OR14I1: variants seen among roughly 807,000 people sequenced by gnomAD.
OR14I1 encodes olfactory receptor family 14 subfamily I member 1.
For synonymous variants in OR14I1, 118 were observed against 71.1 expected (o/e 1.66, Z -3.32); for missense variants, 279 against 181.8 (o/e 1.53, Z -3.07).
chr1:248,694,371 CTA>C, the OR14I1 span, among the ~76,000 whole-genome samples: 2 of 152,008 alleles, frequency 1.3e-5, no homozygotes, highest in African/African-American at 2.4e-5. Context: ...TAATATATGC[CTA>C]TGACGTATAT....
downstream of OR14I1, among the ~76,000 whole-genome samples, chr1:248,680,621 AC>A: frequency 6.6e-6 from 1 of 152,350 alleles, no homozygotes; most frequent in South Asian, 2.1e-4. Context: ...ACCAGCAGTG[AC>A]CAAGAACTCA....
At chr1:248,692,057 C>CGGGCCCGGCCGCCT in the OR14I1 span, 3 of 152,378 alleles carry the variant, frequency 2.0e-5, no homozygotes, top group Non-Finnish European at 4.4e-5. Flanking sequence ...CGCGGGAGCG[C>CGGGCCCGGCCGCCT]GGGCCCGGCC....
At chr1:248,697,818 G>C in the OR14I1 span, among the ~76,000 whole-genome samples, 1 of 152,084 alleles carries the variant, frequency 6.6e-6, no homozygotes, top group African/African-American at 2.4e-5. Flanking sequence ...CGGGGGCAAT[G>C]TGTGCTTTTT....
chr1:248,689,530 C>T, the OR14I1 span, among the ~76,000 whole-genome samples: 1 of 152,118 alleles, frequency 6.6e-6, no homozygotes, highest in African/African-American at 2.4e-5. Context: ...GGAAATTTAC[C>T]CATAATCTTC....
upstream of OR14I1, among the ~76,000 whole-genome samples, chr1:248,686,606 T>G (rs1359524223): frequency 8.4e-6 from 1 of 119,610 alleles, no homozygotes; most frequent in Non-Finnish European, 1.9e-5. Flanking sequence ...GAAAAAAATA[T>G]GAAACATAAT....
upstream of OR14I1, among the ~76,000 whole-genome samples, chr1:248,682,906 G>A (rs911218403): frequency 2.0e-5 from 3 of 152,058 alleles, no homozygotes; most frequent in Admixed American, 6.6e-5. Flanking sequence ...TTGGAGAGAG[G>A]GAAATTTATT....
At chr1:248,684,988 T>G (rs1176878760), upstream of OR14I1, among the ~76,000 whole-genome samples, 1 of 152,124 alleles carries the variant, frequency 6.6e-6, no homozygotes, top group Non-Finnish European at 1.5e-5. Flanking sequence ...GTTATACTCT[T>G]TCTAGATTTT....
the OR14I1 span, among the ~76,000 whole-genome samples, chr1:248,702,218 A>G: frequency 2.0e-5 from 3 of 152,168 alleles, no homozygotes; most frequent in African/African-American, 7.2e-5. Flanking sequence ...GGATTAACTC[A>G]AAAGTCCACA....
chr1:248,684,006 T>C (rs1165274526), upstream of OR14I1, among the ~76,000 whole-genome samples: 2 of 150,770 alleles, frequency 1.3e-5, no homozygotes, highest in Non-Finnish European at 2.9e-5. Flanking sequence ...CACTCCAGCC[T>C]GGGCAATAAG....
At chr1:248,682,085 C>T (rs1370888789) in exon 1 of OR14I1, 1 of 781,074 alleles carries the variant, frequency 1.3e-6, no homozygotes, top group South Asian at 1.3e-5. Flanking sequence ...GGCACAGTGA[C>T]TGAGATGTAG....
chr1:248,701,828 C>G, the OR14I1 span, among the ~76,000 whole-genome samples: 2 of 152,280 alleles, frequency 1.3e-5, no homozygotes, highest in South Asian at 2.1e-4. Context: ...CTCAAAGACC[C>G]TGTGTTAGTC....
At chr1:248,697,558 G>A in the OR14I1 span, among the ~76,000 whole-genome samples, 1 of 152,000 alleles carries the variant, frequency 6.6e-6, no homozygotes, top group Non-Finnish European at 1.5e-5. Context: ...GCTGAGGCGG[G>A]CAGATCACTT....
chr1:248,681,328 G>A (rs763577661), exon 1 of OR14I1: 2 of 622,612 alleles, frequency 3.2e-6, no homozygotes, highest in African/African-American at 1.8e-5. Context: ...TGCTTTTTTG[G>A]GGTTTTGTTG....
At chr1:248,702,084 A>G in the OR14I1 span, among the ~76,000 whole-genome samples, 1 of 152,106 alleles carries the variant, frequency 6.6e-6, no homozygotes, top group South Asian at 2.1e-4. Context: ...TTCACCCACT[A>G]TCATGAGAAC....
In OR14I1 at chr1:248,682,282, G is replaced by T. The variant is rs1350996705; in HGVS notation, c.23C>A (p.Thr8Lys). The T allele has an allele frequency of 5.3e-6, 4 of 751,274 alleles. No homozygotes were observed. In the East Asian group the frequency reaches 9.7e-5, roughly 18 times the overall value. The allele number at this position is 751,274 out of a possible 1,614,324, so 46.5% of individuals were successfully genotyped here. ...AGAAAACTCCATCAGCAGGAATTCTGTCACTTTTGTGAGATTGTCCATTTG... is the reference window on the plus strand; with the variant it reads ...AGAAAACTCCATCAGCAGGAATTCTTTCACTTTTGTGAGATTGTCCATTTG... The change falls in exon 1 of 1, where the codon ACA becomes AAA. Residue 8 changes from threonine (T) to lysine (K), a missense_variant. By Grantham distance (78) the Thr-to-Lys change is moderately conservative. Coordinates refer to ENST00000342623, the Ensembl canonical transcript of OR14I1.
At chr1:248,693,510 AAG>A in the OR14I1 span, among the ~76,000 whole-genome samples, 1 of 152,252 alleles carries the variant, frequency 6.6e-6, no homozygotes, top group East Asian at 1.9e-4. Flanking sequence ...GATAAGATAA[AAG>A]AGTTCAGCAT....
chr1:248,678,556 T>C (rs918361416), downstream of OR14I1, among the ~76,000 whole-genome samples: 4 of 152,228 alleles, frequency 2.6e-5, no homozygotes, highest in African/African-American at 9.6e-5. Flanking sequence ...AAGGAAAATG[T>C]TAAGAAATTT....
chr1:248,681,418 T>C (rs1410696511), exon 1 of OR14I1: 1 of 779,160 alleles, frequency 1.3e-6, no homozygotes, highest in Admixed American at 1.7e-5. Context: ...CATGGCTGTT[T>C]TAATCTCCTT....
At chr1:248,690,266 T>C in the OR14I1 span, among the ~76,000 whole-genome samples, 1 of 151,922 alleles carries the variant, frequency 6.6e-6, no homozygotes, top group Non-Finnish European at 1.5e-5. Context: ...AAAGAAGCCT[T>C]CAAAAAAACA....
Sources: allele counts gnomAD v4.1 joint callset (sites outside exome capture counted in the v4.1 genomes callset), GRCh38; gene constraint gnomAD v4.1.1; transcripts MANE v1.5; gene names NCBI Gene and HGNC (gene_info 2026-07-23, HGNC 2026-07-21).